The following GRXCR1 variants were observed in gnomAD, a reference collection of about 807,000 sequenced individuals.
GRXCR1 encodes glutaredoxin domain-containing cysteine-rich protein 1.
In GRXCR1, 27 loss-of-function variants were observed where a neutral mutation model predicts 27.3. That is an observed-to-expected ratio of 0.99 (90% CI 0.73 to 1.37). The LOEUF (loss-of-function observed/expected upper bound fraction) is 1.37. GRXCR1 is among the 40% of genes most tolerant of loss of function. The probability of loss-of-function intolerance (pLI) is 0.00; values close to 1 mark genes in which losing one functional copy is unlikely to be tolerated. For missense variants in GRXCR1, 379 were observed against 354.4 expected (o/e 1.07, Z -0.56); for synonymous variants, 122 against 131.1 (o/e 0.93, Z 0.47).
intron 1 of GRXCR1, among the ~76,000 whole-genome samples, chr4:42,950,067 T>C (rs1415750825): frequency 2.0e-5 from 3 of 152,188 alleles, no homozygotes; most frequent in Non-Finnish European, 2.9e-5. Flanking sequence ...TTTTTCTTGA[T>C]GCAGAAAATT....
rs1746267149 is a variant in GRXCR1 at position 42,893,003 on chromosome 4, T to A, written c.-264T>A. On this transcript the variant is annotated 5_prime_UTR_variant, in exon 1 of 4. Coordinates refer to ENST00000399770, the MANE Select transcript of GRXCR1 (RefSeq NM_001080476.3). Reference sequence around the variant, plus strand: ...TTCTTGCACTTGTCCTGTTAAAGAGTCCACCATGGCTATTTAATATTTAAA... The same window carrying A: ...TTCTTGCACTTGTCCTGTTAAAGAGACCACCATGGCTATTTAATATTTAAA... Among the ~76,000 whole-genome samples, 1 of 152,114 alleles carries A rather than the reference T, an allele frequency of 6.6e-6. No homozygotes were observed. The highest frequency in any genetic ancestry group is 1.5e-5 in the Non-Finnish European group (1 of 68,028).
chr4:42,962,490 G>A (rs1296808293), intron 1 of GRXCR1, among the ~76,000 whole-genome samples: 1 of 151,838 alleles, frequency 6.6e-6, no homozygotes, highest in Non-Finnish European at 1.5e-5. Context: ...AATTTTAACT[G>A]GCTAAATGCA....
chr4:42,907,266 G>T (rs996417626), intron 1 of GRXCR1, among the ~76,000 whole-genome samples: 24 of 152,104 alleles, frequency 1.6e-4, no homozygotes, highest in African/African-American at 5.8e-4. Context: ...TAAGGGGTCT[G>T]GGAACATTCA....
chr4:42,916,145 A>G (rs371239868), intron 1 of GRXCR1, among the ~76,000 whole-genome samples: 1 of 152,264 alleles, frequency 6.6e-6, no homozygotes, highest in East Asian at 1.9e-4. Context: ...TAAAACAGAA[A>G]GTTATAAGCA....
chr4:42,944,543 A>G (rs371241133), intron 1 of GRXCR1, among the ~76,000 whole-genome samples: 4 of 152,208 alleles, frequency 2.6e-5, no homozygotes, highest in African/African-American at 9.6e-5. Context: ...GATCCTCATA[A>G]GGGCTGGGTG....
At chr4:42,986,303 T>G (rs902987301) in intron 2 of GRXCR1, among the ~76,000 whole-genome samples, 6 of 152,228 alleles carry the variant, frequency 3.9e-5, no homozygotes, top group Admixed American at 6.5e-5. Context: ...AGACTTAAAA[T>G]GCTGAAGTGA....
At chr4:42,966,777 T>C (rs1417111040) in intron 2 of GRXCR1, among the ~76,000 whole-genome samples, 3 of 152,158 alleles carry the variant, frequency 2.0e-5, no homozygotes, top group African/African-American at 7.2e-5. Context: ...TTAATTTGCC[T>C]TTCCCTAATG....
intron 2 of GRXCR1, among the ~76,000 whole-genome samples, chr4:42,990,052 A>G (rs1376870381): frequency 1.4e-5 from 2 of 147,516 alleles, no homozygotes; most frequent in Non-Finnish European, 3.0e-5. Context: ...CAGTTCTAAG[A>G]TTTTTCTGCC....
At chr4:42,942,250 G>A (rs376558738) in intron 1 of GRXCR1, among the ~76,000 whole-genome samples, 18 of 152,002 alleles carry the variant, frequency 1.2e-4, no homozygotes, top group Non-Finnish European at 2.2e-4. Flanking sequence ...CATATATACC[G>A]AGAAAAGGTG....
At chr4:42,977,774 T>C (rs67340988) in intron 2 of GRXCR1, among the ~76,000 whole-genome samples, 53,716 of 151,882 alleles carry the variant, frequency 0.35, 9,689 homozygotes, top group African/African-American at 0.4. Flanking sequence ...ACTCTGTTGA[T>C]AGTTTTTTGT....
Position 42,928,502 on chromosome 4 carries a change from T to A in GRXCR1, c.385-34390T>A, listed in dbSNP as rs1747224053. Among the ~76,000 whole-genome samples, 3 of 151,940 alleles carry A rather than the reference T, an allele frequency of 2.0e-5. No homozygotes were observed. The South Asian group carries it at 6.2e-4, about 31-fold the overall frequency. On this transcript the variant is annotated intron_variant, in intron 1 of 3. Transcript: ENST00000399770. ...AACTTTTATATGAGTAATTGCGTTA[T>A]TCTGTGTTTGGTATTTTTGATGGGA...
At position 43,021,754 on chromosome 4, in the gene GRXCR1, A is replaced by C. The variant is rs150038901; in HGVS notation, c.693+1335A>C. 6.5e-4 allele frequency among the ~76,000 whole-genome samples: 99 copies of C among 152,318 alleles called. 1 individual carries two copies. Among genetic ancestry groups the C allele is most frequent in the African/African-American group, 2.3e-3 (96 of 41,576 alleles). ...GAGGAGAATGCTTGGGCTTTAGCAA[A>C]ATAATTTACTATGGTCTGATTCTAA... On this transcript the variant is annotated intron_variant, in intron 3 of 3. Transcript: ENST00000399770.
At chr4:43,005,052 G>T (rs996240810) in intron 2 of GRXCR1, among the ~76,000 whole-genome samples, 1 of 152,140 alleles carries the variant, frequency 6.6e-6, no homozygotes, top group Non-Finnish European at 1.5e-5. Context: ...GGAGGCAATT[G>T]GATCATGGGG....
intron 1 of GRXCR1, among the ~76,000 whole-genome samples, chr4:42,946,789 T>C (rs1049341922): frequency 6.6e-6 from 1 of 152,140 alleles, no homozygotes; most frequent in African/African-American, 2.4e-5. Context: ...TACTATTGCA[T>C]TGAGGATTAA....
intron 1 of GRXCR1, among the ~76,000 whole-genome samples, chr4:42,923,717 C>G (rs570483218): frequency 2.6e-5 from 4 of 151,960 alleles, no homozygotes; most frequent in African/African-American, 9.6e-5. Flanking sequence ...AAACCAAATC[C>G]TCAAAAAATA....
In GRXCR1 at chr4:43,000,971, G is replaced by C. The variant is rs544121195; in HGVS notation, c.628-19383G>C. ...AGAAGGCGCCTCACTCTGTTGCCCA[G>C]GCTGGAGTACAGTGGTGCTATCTCG... On this transcript the variant is annotated intron_variant, in intron 2 of 3. Coordinates refer to ENST00000399770, the MANE Select transcript of GRXCR1 (RefSeq NM_001080476.3). 3.3e-5 allele frequency among the ~76,000 whole-genome samples: 5 copies of C among 151,966 alleles called. No homozygotes were observed. The East Asian group carries it at 9.6e-4, about 29-fold the overall frequency.
At chr4:43,021,968 A>C (rs1228672004) in intron 3 of GRXCR1, among the ~76,000 whole-genome samples, 1 of 151,942 alleles carries the variant, frequency 6.6e-6, no homozygotes, top group African/African-American at 2.4e-5. Flanking sequence ...CAGTATCTTG[A>C]TTTCTTTATC....
intron 1 of GRXCR1, among the ~76,000 whole-genome samples, chr4:42,898,342 T>C (rs1456237648): frequency 1.3e-5 from 2 of 152,058 alleles, no homozygotes; most frequent in Non-Finnish European, 2.9e-5. Flanking sequence ...ATCATTTCTA[T>C]AACATCGTTT....
chr4:43,021,505 GA>G (rs33946331), intron 3 of GRXCR1, among the ~76,000 whole-genome samples: 9,741 of 152,196 alleles, frequency 0.064, 959 homozygotes, highest in African/African-American at 0.22. Context: ...ACCTTTCCCA[GA>G]AGGAAAACAA....
Sources: allele counts gnomAD v4.1 joint callset (sites outside exome capture counted in the v4.1 genomes callset), GRCh38; gene constraint gnomAD v4.1.1; transcripts MANE v1.5; gene names NCBI Gene and HGNC (gene_info 2026-07-23, HGNC 2026-07-21).